CRY1: variants seen among roughly 807,000 people sequenced by gnomAD.
CRY1 encodes cryptochrome circadian regulator 1.
CRY1 carries 45 observed loss-of-function variants against 76.0 expected under a neutral mutation model. The observed-to-expected ratio is 0.59, with a 90% confidence interval of 0.47 to 0.76. The LOEUF is 0.76. CRY1 is among the 30% of genes least tolerant of loss of function. The pLI is 0.00. For missense variants in CRY1, 587 were observed against 716.4 expected (o/e 0.82, Z 2.06); for synonymous variants, 248 against 244.0 (o/e 1.02, Z -0.15).
chr12:107,090,335 T>C (rs900999659), intron 1 of CRY1, among the ~76,000 whole-genome samples: 2 of 152,156 alleles, frequency 1.3e-5, no homozygotes, highest in Non-Finnish European at 2.9e-5. Flanking sequence ...TCAAGTGATC[T>C]GCCTGCCTCA....
At chr12:107,014,682 A>C (rs551717756) in intron 2 of CRY1, among the ~76,000 whole-genome samples, 1 of 152,120 alleles carries the variant, frequency 6.6e-6, no homozygotes, top group Non-Finnish European at 1.5e-5. Context: ...GAAAGCTATA[A>C]TATTAAGTTT....
At chr12:107,050,771 GA>G (rs1952908940) in intron 1 of CRY1, among the ~76,000 whole-genome samples, 1 of 152,196 alleles carries the variant, frequency 6.6e-6, no homozygotes, top group Non-Finnish European at 1.5e-5. Context: ...TCTTTGTAAA[GA>G]TGACAGAGAC....
In CRY1 at chr12:107,055,401, T is replaced by C. The variant is rs200912956; in HGVS notation, c.159-33209A>G. On this transcript the variant is annotated intron_variant, in intron 1 of 12. Transcript: ENST00000008527. ...CATTAAAGAGAATGTGGAATAAAAC[T>C]ACAGTAGCAATTAGAGGGATATTTA... is the stretch of plus-strand genomic sequence containing the variant. Among the ~76,000 whole-genome samples the C allele has an allele frequency of 9.2e-5, 14 of 152,100 alleles. No individual in the cohort carries two copies. In the East Asian group the frequency reaches 2.1e-3, roughly 23 times the overall value.
intron 2 of CRY1, among the ~76,000 whole-genome samples, chr12:107,005,777 T>C (rs1396646444): frequency 6.6e-6 from 1 of 152,114 alleles, no homozygotes; most frequent in African/African-American, 2.4e-5. Context: ...TGTATGTAAA[T>C]ATTTTCTTTC....
chr12:107,044,831 A>G (rs1952832853), intron 1 of CRY1, among the ~76,000 whole-genome samples: 1 of 152,208 alleles, frequency 6.6e-6, no homozygotes, highest in African/African-American at 2.4e-5. Context: ...TTGGAGAAAG[A>G]AAAGGAAATA....
chr12:107,075,649 G>C (rs1953243815), intron 1 of CRY1, among the ~76,000 whole-genome samples: 2 of 152,158 alleles, frequency 1.3e-5, no homozygotes, highest in African/African-American at 2.4e-5. Context: ...CACCCACCCT[G>C]TGCCACGTAT....
At chr12:107,002,003 G>C (rs1952318253) in intron 3 of CRY1, 55 bp from the exon 4 acceptor site, 1 of 1,428,322 alleles carries the variant, frequency 7.0e-7, no homozygotes, top group Non-Finnish European at 9.4e-7. Flanking sequence ...ATACATTTTG[G>C]CTAATAAGCT....
intron 1 of CRY1, among the ~76,000 whole-genome samples, chr12:107,081,523 G>A (rs1953324797): frequency 6.6e-6 from 1 of 151,676 alleles, no homozygotes; most frequent in African/African-American, 2.4e-5. Context: ...TTGTCTTACT[G>A]TCCGTTTTCC....
At chr12:107,077,102 AG>A (rs1953264577) in intron 1 of CRY1, among the ~76,000 whole-genome samples, 1 of 152,010 alleles carries the variant, frequency 6.6e-6, no homozygotes, top group Admixed American at 6.6e-5. Context: ...GAAGCATTCT[AG>A]AATTCCTCCT....
chr12:107,000,326 A>G (rs1952292782), intron 5 of CRY1, among the ~76,000 whole-genome samples: 1 of 152,076 alleles, frequency 6.6e-6, no homozygotes, highest in South Asian at 2.1e-4. Context: ...TTCCAACAGA[A>G]AGCTGAGAGC....
rs2136823173 is a variant in CRY1, at chr12:107,001,311, A to G, written c.653T>C (p.Leu218Pro). 1.2e-6 allele frequency: 2 copies of G among 1,613,810 alleles called. No individual in the cohort carries two copies. The highest frequency in any genetic ancestry group is 4.5e-5 in the East Asian group (2 of 44,850). Residue 218 changes from leucine to proline, a missense_variant, in exon 5 of 13, where the codon CTT (leucine) becomes CCT (proline). Leu to Pro is a moderately conservative substitution (Grantham distance 98, BLOSUM62 -3). Coordinates refer to ENST00000008527, the MANE Select transcript of CRY1 (RefSeq NM_004075.5). Reference sequence around the variant, plus strand: ...TTCCAAATGCCTTTCCAAACGAGTAAGTGCTTCAGTTTCTCCACCTGGCCA... The same window carrying G: ...TTCCAAATGCCTTTCCAAACGAGTAGGTGCTTCAGTTTCTCCACCTGGCCA... ...AVWPGGETEA[L>P]TRLERHLERK...
intron 2 of CRY1, among the ~76,000 whole-genome samples, chr12:107,018,113 A>G (rs1952516585): frequency 6.6e-6 from 1 of 152,242 alleles, no homozygotes; most frequent in African/African-American, 2.4e-5. Flanking sequence ...TCTATCAAGC[A>G]TGTGTCATGA....
intron 2 of CRY1, among the ~76,000 whole-genome samples, chr12:107,012,094 G>A (rs1387440563): frequency 6.6e-6 from 1 of 152,222 alleles, no homozygotes; most frequent in Non-Finnish European, 1.5e-5. Context: ...GGAGGCTGAG[G>A]CAGGAGAATC....
chr12:107,036,218 G>A (rs951936529), intron 1 of CRY1, among the ~76,000 whole-genome samples: 1 of 152,202 alleles, frequency 6.6e-6, no homozygotes, highest in African/African-American at 2.4e-5. Context: ...AGAGAGCTGA[G>A]AATTGAAATG....
At chr12:107,058,433 A>C (rs1032553874) in intron 1 of CRY1, among the ~76,000 whole-genome samples, 2 of 152,196 alleles carry the variant, frequency 1.3e-5, no homozygotes, top group African/African-American at 4.8e-5. Context: ...AGTTGAGAAA[A>C]TAGTTACAGG....
intron 1 of CRY1, among the ~76,000 whole-genome samples, chr12:107,088,310 G>T (rs1301101347): frequency 6.6e-6 from 1 of 152,258 alleles, no homozygotes; most frequent in South Asian, 2.1e-4. Flanking sequence ...CTCGCCATGT[G>T]ATATGTCAGC....
intron 3 of CRY1, among the ~76,000 whole-genome samples, chr12:107,004,352 TTAC>T (rs1952346325): frequency 6.6e-6 from 1 of 152,336 alleles, no homozygotes; most frequent in Non-Finnish European, 1.5e-5. Flanking sequence ...AGAATTTGTT[TTAC>T]TAACTTGATA....
chr12:107,003,441 A>AGTC (rs747629100), intron 3 of CRY1, among the ~76,000 whole-genome samples: 6 of 152,222 alleles, frequency 3.9e-5, no homozygotes, highest in Non-Finnish European at 7.4e-5. Context: ...TAAGTAAACT[A>AGTC]GTCAAGGTCA....
chr12:107,013,818 A>G (rs183003376), intron 2 of CRY1, among the ~76,000 whole-genome samples: 1 of 152,374 alleles, frequency 6.6e-6, no homozygotes, highest in Admixed American at 6.5e-5. Flanking sequence ...CTATTTTAAA[A>G]GATAAAATAG....
Sources: allele counts gnomAD v4.1 joint callset (sites outside exome capture counted in the v4.1 genomes callset), GRCh38; gene constraint gnomAD v4.1.1; transcripts MANE v1.5; gene names NCBI Gene and HGNC (gene_info 2026-07-23, HGNC 2026-07-21).